FHIT: variants seen among roughly 807,000 people sequenced by gnomAD.
FHIT encodes fragile histidine triad diadenosine triphosphatase.
Under a neutral mutation model 17.9 loss-of-function variants are expected in FHIT, and 19 were observed. That is an observed-to-expected ratio of 1.06 (90% CI 0.74 to 1.56). FHIT has a LOEUF of 1.56. Ranked by LOEUF, FHIT falls within the 40% of genes most tolerant of loss-of-function variation. The pLI is 0.00. For synonymous variants in FHIT, 81 were observed against 69.7 expected (o/e 1.16, Z -0.81); for missense variants, 248 against 189.2 (o/e 1.31, Z -1.82).
In FHIT at chr3:59,801,165, C is replaced by T. The variant is rs570789466; in HGVS notation, c.349-48844G>A. On this transcript the variant is annotated intron_variant, in intron 8 of 9. Transcript: ENST00000492590. The stretch of plus-strand genomic sequence containing the variant: ...AGCACTGTATGCCAGGCCTGTGCTA[C>T]CTCAATGCTTCACCTGGAGTACCTT... 3.3e-5 allele frequency among the ~76,000 whole-genome samples: 5 copies of T among 152,320 alleles called. No individual in the cohort carries two copies. The South Asian group carries it at 1.0e-3, about 32-fold the overall frequency.
chr3:59,797,273 G>T (rs928852467), intron 8 of FHIT, among the ~76,000 whole-genome samples: 1 of 150,736 alleles, frequency 6.6e-6, no homozygotes, highest in African/African-American at 2.5e-5. Flanking sequence ...TGTAACCTCC[G>T]CCTCCTGGGT....
intron 2 of FHIT, among the ~76,000 whole-genome samples, chr3:61,044,421 G>T (rs543807563): frequency 1.3e-5 from 2 of 152,248 alleles, no homozygotes; most frequent in African/African-American, 4.8e-5. Context: ...AGTGAGAAGA[G>T]AAGTTTAGAG....
At chr3:60,018,923 T>A (rs895433778) in intron 5 of FHIT, among the ~76,000 whole-genome samples, 1 of 152,304 alleles carries the variant, frequency 6.6e-6, no homozygotes, top group South Asian at 2.1e-4. Context: ...GAGGTTGCAG[T>A]GAGCCAAGGT....
At chr3:60,773,459 T>C (rs1300242149) in intron 4 of FHIT, among the ~76,000 whole-genome samples, 2 of 152,218 alleles carry the variant, frequency 1.3e-5, no homozygotes, top group Non-Finnish European at 2.9e-5. Flanking sequence ...GTCTTTATAA[T>C]CACAATATTA....
At chr3:59,775,788 A>C (rs1353771336) in intron 8 of FHIT, among the ~76,000 whole-genome samples, 1 of 152,184 alleles carries the variant, frequency 6.6e-6, no homozygotes, top group Non-Finnish European at 1.5e-5. Flanking sequence ...TAATTCTTAA[A>C]GGTCTGAACT....
chr3:60,067,824 C>A (rs1576020142), intron 5 of FHIT, among the ~76,000 whole-genome samples: 1 of 152,266 alleles, frequency 6.6e-6, no homozygotes, highest in East Asian at 1.9e-4. Context: ...CTTGTCGCTG[C>A]CTAACAGTGA....
At chr3:60,156,342 T>G (rs1410828364) in intron 5 of FHIT, among the ~76,000 whole-genome samples, 1 of 148,160 alleles carries the variant, frequency 6.7e-6, no homozygotes, top group Non-Finnish European at 1.5e-5. Flanking sequence ...AGAGTGAGAC[T>G]CTGTCTCAAA....
intron 3 of FHIT, among the ~76,000 whole-genome samples, chr3:61,021,813 A>G (rs2032452627): frequency 1.3e-5 from 2 of 152,130 alleles, no homozygotes. Context: ...CAAAGACACA[A>G]TGTACCAGAA....
chr3:60,288,118 A>C (rs1235437153), intron 5 of FHIT, among the ~76,000 whole-genome samples: 1 of 152,118 alleles, frequency 6.6e-6, no homozygotes, highest in East Asian at 1.9e-4. Context: ...GTTCACTTAC[A>C]AGGCTGGAAG....
chr3:60,420,349 ATTCT>A (rs1457779461), intron 5 of FHIT, among the ~76,000 whole-genome samples: 7 of 152,190 alleles, frequency 4.6e-5, no homozygotes, highest in African/African-American at 7.2e-5. Flanking sequence ...AGTGATCAAA[ATTCT>A]TTGTTTTCAT....
intron 4 of FHIT, among the ~76,000 whole-genome samples, chr3:60,799,108 C>A (rs1238429029): frequency 1.3e-5 from 2 of 152,162 alleles, no homozygotes; most frequent in Non-Finnish European, 2.9e-5. Context: ...TAAACTATCA[C>A]CTCTTTCCTA....
chr3:59,747,355 G>A lies in FHIT; in HGVS notation c.*2230C>T, dbSNP rs1468161700. On this transcript the variant is annotated 3_prime_UTR_variant, in exon 10 of 10. Coordinates refer to ENST00000492590, the MANE Select transcript of FHIT (RefSeq NM_002012.4). ...AGAGGAGCAAAGCCACATCTTACAT[G>A]GCAGCAGGCAAGACAGCGTATTCAG... Among the ~76,000 whole-genome samples the A allele has an allele frequency of 6.6e-6, 1 of 152,082 alleles. No homozygotes were observed. The highest frequency in any genetic ancestry group is 6.5e-5 in the Admixed American group (1 of 15,270).
intron 4 of FHIT, among the ~76,000 whole-genome samples, chr3:60,725,395 T>G (rs2041897432): frequency 6.6e-6 from 1 of 152,334 alleles, no homozygotes; most frequent in Non-Finnish European, 1.5e-5. Flanking sequence ...TCCCTATGGT[T>G]TTGTCTAATA....
At chr3:60,970,493 T>C (rs2107528049) in intron 3 of FHIT, among the ~76,000 whole-genome samples, 1 of 152,238 alleles carries the variant, frequency 6.6e-6, no homozygotes, top group South Asian at 2.1e-4. Context: ...CTTATCACTA[T>C]CTTAATATAT....
chr3:60,476,274 G>C (rs1393917843), intron 5 of FHIT, among the ~76,000 whole-genome samples: 1 of 152,144 alleles, frequency 6.6e-6, no homozygotes, highest in Admixed American at 6.5e-5. Context: ...GTACCACATG[G>C]AGAGACTGGA....
chr3:60,208,100 T>C (rs1703284978), intron 5 of FHIT, among the ~76,000 whole-genome samples: 1 of 152,166 alleles, frequency 6.6e-6, no homozygotes, highest in African/African-American at 2.4e-5. Context: ...GTTCCTCTAC[T>C]ATTGGGATAC....
chr3:60,164,846 A>G (rs1006734750), intron 5 of FHIT, among the ~76,000 whole-genome samples: 31 of 152,086 alleles, frequency 2.0e-4, no homozygotes, highest in African/African-American at 7.2e-4. Flanking sequence ...TTGCCTAATT[A>G]TACCTACGTA....
intron 8 of FHIT, among the ~76,000 whole-genome samples, chr3:59,874,347 T>A (rs1195865255): frequency 6.6e-6 from 1 of 152,194 alleles, no homozygotes; most frequent in African/African-American, 2.4e-5. Flanking sequence ...AAGTTAAAAA[T>A]TGATCCATAA....
At chr3:61,067,053 A>G (rs2034636771) in intron 2 of FHIT, among the ~76,000 whole-genome samples, 1 of 152,166 alleles carries the variant, frequency 6.6e-6, no homozygotes, top group Non-Finnish European at 1.5e-5. Flanking sequence ...AGTAAGGCCT[A>G]AACCAGAATA....
Sources: allele counts gnomAD v4.1 joint callset (sites outside exome capture counted in the v4.1 genomes callset), GRCh38; gene constraint gnomAD v4.1.1; transcripts MANE v1.5; gene names NCBI Gene and HGNC (gene_info 2026-07-23, HGNC 2026-07-21).